The following KCNMB2 variants were observed in gnomAD, a reference collection of about 807,000 sequenced individuals.
KCNMB2 encodes the protein calcium-activated potassium channel subunit beta-2.
A neutral mutation model predicts 24.5 loss-of-function variants in KCNMB2; 9 were observed. The ratio of observed to expected loss-of-function variants is 0.37; its 90% CI spans 0.22 to 0.64. The LOEUF is 0.64. KCNMB2 is among the 30% of genes least tolerant of loss of function. The probability of loss-of-function intolerance (pLI) is 0.63; values close to 1 mark genes in which losing one functional copy is unlikely to be tolerated. For missense variants in KCNMB2, 226 were observed against 284.3 expected, an observed-to-expected ratio of 0.79 and a Z score of 1.47; for synonymous variants, 109 against 104.4, an observed-to-expected ratio of 1.04 and a Z score of -0.27.
In KCNMB2 at chr3:178,708,799, T is replaced by A. The variant is rs574247918; in HGVS notation, c.-67-98544T>A. On this transcript the variant is annotated intron_variant, in intron 1 of 4. Transcript: ENST00000452583. ...GTAAGAGGTTAAATAACTTCAAATG[T>A]AGTCATTCAGACAGATAGATTTGAA... Among the ~76,000 whole-genome samples the A allele has an allele frequency of 1.1e-4, 17 of 152,280 alleles. No individual in the cohort carries two copies. The East Asian group carries it at 3.3e-3, about 29-fold the overall frequency.
At chr3:178,564,494 G>C (rs547710097) in intron 1 of KCNMB2, among the ~76,000 whole-genome samples, 1 of 152,304 alleles carries the variant, frequency 6.6e-6, no homozygotes, top group African/African-American at 2.4e-5. Flanking sequence ...ATTGCATGTT[G>C]TTGCTTTGTA....
intron 1 of KCNMB2, among the ~76,000 whole-genome samples, chr3:178,805,653 G>T (rs1293653919): frequency 6.6e-6 from 1 of 151,814 alleles, no homozygotes; most frequent in Non-Finnish European, 1.5e-5. Context: ...TAAACAGGGG[G>T]TGTCACTGTG....
intron 1 of KCNMB2, among the ~76,000 whole-genome samples, chr3:178,704,172 A>C (rs1722200462): frequency 6.6e-6 from 1 of 152,092 alleles, no homozygotes; most frequent in Admixed American, 6.6e-5. Flanking sequence ...CATTGTAAAA[A>C]TTGACATGCC....
At chr3:178,773,637 A>T (rs1018714169) in intron 1 of KCNMB2, among the ~76,000 whole-genome samples, 3 of 152,128 alleles carry the variant, frequency 2.0e-5, no homozygotes, top group Non-Finnish European at 2.9e-5. Context: ...CAGACTCCAG[A>T]TCCATATTCT....
intron 1 of KCNMB2, among the ~76,000 whole-genome samples, chr3:178,576,266 C>T (rs1027114297): frequency 7.9e-5 from 12 of 151,936 alleles, no homozygotes; most frequent in Admixed American, 2.6e-4. Flanking sequence ...CTCCCCTAGC[C>T]AAGGGAAGCT....
At chr3:178,691,329 T>C (rs928148620) in intron 1 of KCNMB2, among the ~76,000 whole-genome samples, 1 of 151,186 alleles carries the variant, frequency 6.6e-6, no homozygotes, top group African/African-American at 2.4e-5. Context: ...ACTTGTGTCA[T>C]GGGCATTTCT....
intron 1 of KCNMB2, among the ~76,000 whole-genome samples, chr3:178,685,645 C>T (rs73045963): frequency 3.9e-5 from 6 of 152,184 alleles, no homozygotes. Flanking sequence ...AAGGGCTATG[C>T]ACGTGGGAAG....
At chr3:178,675,972 C>T (rs143199186) in intron 1 of KCNMB2, among the ~76,000 whole-genome samples, 177 of 152,228 alleles carry the variant, frequency 1.2e-3, no homozygotes, top group African/African-American at 3.8e-3. Context: ...ACTTATTACC[C>T]GCACTCTGAA....
chr3:178,655,861 A>G (rs535870623), intron 1 of KCNMB2, among the ~76,000 whole-genome samples: 50 of 152,206 alleles, frequency 3.3e-4, no homozygotes, highest in African/African-American at 1.2e-3. Context: ...TGAATTCACA[A>G]CCTCTCATCA....
At position 178,581,229 on chromosome 3, in the gene KCNMB2, T is replaced by A. The variant is rs138743102; in HGVS notation, c.-68+44518T>A. ...ATAACATCACACATCTACAACCATCTGGTCTTTGACAGACGTGACAAAAAC... is the reference window on the plus strand; with the variant it reads ...ATAACATCACACATCTACAACCATCAGGTCTTTGACAGACGTGACAAAAAC... On this transcript the variant is annotated intron_variant, in intron 1 of 4. Coordinates refer to ENST00000452583, the MANE Select transcript of KCNMB2 (RefSeq NM_181361.3). 6.8e-3 allele frequency among the ~76,000 whole-genome samples: 1,043 copies of A among 152,300 alleles called. 12 individuals are homozygous for A. The highest frequency in any genetic ancestry group is 0.024 in the African/African-American group (1,013 of 41,558).
At chr3:178,537,836 TA>T (rs1715461042) in intron 1 of KCNMB2, among the ~76,000 whole-genome samples, 1 of 152,222 alleles carries the variant, frequency 6.6e-6, no homozygotes, top group Non-Finnish European at 1.5e-5. Context: ...GATGTTGCTT[TA>T]TATTCTGAAA....
At chr3:178,568,898 AGATG>A (rs144502350) in intron 1 of KCNMB2, among the ~76,000 whole-genome samples, 4,036 of 116,534 alleles carry the variant, frequency 0.035, 77 homozygotes, top group Middle Eastern at 0.046. Context: ...ATAGATAGAT[AGATG>A]GATAGATAGA....
chr3:178,694,822 TGTC>T (rs756288819), intron 1 of KCNMB2, among the ~76,000 whole-genome samples: 1 of 152,136 alleles, frequency 6.6e-6, no homozygotes, highest in Admixed American at 6.5e-5. Flanking sequence ...TAGTGTTGAG[TGTC>T]TGTGGCTTTT....
chr3:178,827,895 A>C (rs1714895099), intron 3 of KCNMB2, among the ~76,000 whole-genome samples: 1 of 152,216 alleles, frequency 6.6e-6, no homozygotes, highest in African/African-American at 2.4e-5. Context: ...TCATGTTACC[A>C]GTGAGTTCCA....
chr3:178,590,226 T>G (rs1017073367), intron 1 of KCNMB2, among the ~76,000 whole-genome samples: 4 of 152,128 alleles, frequency 2.6e-5, no homozygotes, highest in South Asian at 2.1e-4. Flanking sequence ...TGACAAATAT[T>G]CATTGAGAAA....
chr3:178,666,598 C>T (rs1720726420), intron 1 of KCNMB2, among the ~76,000 whole-genome samples: 2 of 152,084 alleles, frequency 1.3e-5, no homozygotes, highest in Non-Finnish European at 2.9e-5. Context: ...GAAATAAAGG[C>T]CAAGAGGGAA....
chr3:178,733,090 A>C (rs539429700), intron 1 of KCNMB2, among the ~76,000 whole-genome samples: 2 of 152,356 alleles, frequency 1.3e-5, no homozygotes, highest in African/African-American at 4.8e-5. Flanking sequence ...AAGTCATAAA[A>C]ATAGAGTAGA....
intron 1 of KCNMB2, among the ~76,000 whole-genome samples, chr3:178,603,522 A>C (rs1447361947): frequency 6.6e-6 from 1 of 152,120 alleles, no homozygotes; most frequent in African/African-American, 2.4e-5. Flanking sequence ...AAGACCCAAA[A>C]GGTCAGGAGA....
intron 1 of KCNMB2, among the ~76,000 whole-genome samples, chr3:178,782,453 T>C (rs1311982600): frequency 1.3e-5 from 2 of 152,048 alleles, no homozygotes; most frequent in Non-Finnish European, 2.9e-5. Context: ...CCAGCACCTG[T>C]TGTTTCCAGA....
Sources: allele counts gnomAD v4.1 joint callset (sites outside exome capture counted in the v4.1 genomes callset), GRCh38; gene constraint gnomAD v4.1.1; transcripts MANE v1.5; gene names NCBI Gene and HGNC (gene_info 2026-07-23, HGNC 2026-07-21).